OR51B5: variants seen among roughly 807,000 people sequenced by gnomAD.
OR51B5 encodes olfactory receptor 51B5.
For synonymous variants in OR51B5, 186 were observed against 144.8 expected (o/e 1.28, Z -2.04); for missense variants, 456 against 374.6 (o/e 1.22, Z -1.79).
At chr11:5,475,485 C>T (rs1851289323) in intron 1 of OR51B5, among the ~76,000 whole-genome samples, 1 of 152,170 alleles carries the variant, frequency 6.6e-6, no homozygotes, top group Middle Eastern at 3.4e-3. Flanking sequence ...GTTATTTATC[C>T]ACCAACTCTT....
At chr11:5,416,331 G>A (rs1210107910) in intron 1 of OR51B5, among the ~76,000 whole-genome samples, 4 of 151,164 alleles carry the variant, frequency 2.6e-5, no homozygotes, top group South Asian at 2.1e-4. Context: ...TACTGAATGG[G>A]CAAAAACTGG....
At chr11:5,365,827 G>A (rs889276567) in intron 1 of OR51B5, among the ~76,000 whole-genome samples, 2 of 152,196 alleles carry the variant, frequency 1.3e-5, no homozygotes, top group East Asian at 1.9e-4. Context: ...TGCTTAGTAT[G>A]TGCTGGCTTG....
At chr11:5,389,523 CCT>C (rs758655110) in intron 1 of OR51B5, 3 of 1,613,858 alleles carry the variant, frequency 1.9e-6, no homozygotes, top group Admixed American at 1.7e-5. Context: ...ATTTTCATCC[CCT>C]TTTTCTTTAT....
intron 1 of OR51B5, among the ~76,000 whole-genome samples, chr11:5,497,879 T>A (rs539518292): frequency 6.6e-6 from 1 of 152,124 alleles, no homozygotes; most frequent in Non-Finnish European, 1.5e-5. Context: ...TCCAGGAGCA[T>A]AGGTATGACA....
chr11:5,501,278 A>G (rs1288370563), intron 1 of OR51B5, among the ~76,000 whole-genome samples: 1 of 147,748 alleles, frequency 6.8e-6, no homozygotes, highest in East Asian at 2.0e-4. Flanking sequence ...ACTCCCACCA[A>G]AAGAGGAATG....
At chr11:5,470,756 A>G (rs1164334405) in intron 1 of OR51B5, among the ~76,000 whole-genome samples, 3 of 152,120 alleles carry the variant, frequency 2.0e-5, no homozygotes, top group Non-Finnish European at 4.4e-5. Flanking sequence ...AAGTCTATTA[A>G]TCCATCGTAA....
chr11:5,386,098 G>A (rs1015955518), intron 1 of OR51B5, among the ~76,000 whole-genome samples: 2 of 152,122 alleles, frequency 1.3e-5, no homozygotes, highest in East Asian at 1.9e-4. Context: ...GACAGAAGAA[G>A]TGATATTTGT....
chr11:5,353,270 A>ATT (rs1849131899), intron 1 of OR51B5, among the ~76,000 whole-genome samples: 2 of 152,202 alleles, frequency 1.3e-5, no homozygotes, highest in Non-Finnish European at 2.9e-5. Flanking sequence ...TAATATTGAT[A>ATT]ATAATTTGAA....
chr11:5,453,756 C>T (rs754539560), intron 1 of OR51B5: 31 of 1,614,042 alleles, frequency 1.9e-5, no homozygotes, highest in African/African-American at 8.0e-5. Context: ...CCTCAATGCC[C>T]GCAACATCAC....
chr11:5,392,596 C>G (rs1050413641), intron 1 of OR51B5: 2 of 152,196 alleles, frequency 1.3e-5, no homozygotes, highest in African/African-American at 2.4e-5. Flanking sequence ...TGTTACTAAA[C>G]GAATATTGAA....
rs369050089 is a variant in OR51B5 at position 5,390,582 on chromosome 11, A to T, written n.85-43672T>A. 19 of 526,616 alleles carry T rather than the reference A, an allele frequency of 3.6e-5. No individual in the cohort carries two copies. The African/African-American group carries it at 3.6e-4, about 10-fold the overall frequency. The allele number at this position is 526,616 out of a possible 1,614,324, so 32.6% of individuals were successfully genotyped here. ...ATTTTAATGGCTCCTCCTACAGCTG[A>T]GAACTGGCATTTTTGGTAGCATCAA... On this transcript the variant is annotated intron_variant and non_coding_transcript_variant, in intron 1 of 4. Coordinates refer to the OR51B5 transcript ENST00000415970.
At chr11:5,482,078 A>G (rs1192700936) in intron 1 of OR51B5, among the ~76,000 whole-genome samples, 1 of 120,490 alleles carries the variant, frequency 8.3e-6, no homozygotes, top group East Asian at 3.3e-4. Flanking sequence ...ACAAAGCTGG[A>G]GGCATCACAC....
Position 5,413,872 on chromosome 11 carries a change from C to T in OR51B5, n.85-66962G>A, listed in dbSNP as rs192647631. Reference sequence around the variant, plus strand: ...GGAAAACACTCTGCAGGATATTATCCAGGAGAACTTCCCCAATCTAGCAGG... The same window carrying T: ...GGAAAACACTCTGCAGGATATTATCTAGGAGAACTTCCCCAATCTAGCAGG... On this transcript the variant is annotated intron_variant and non_coding_transcript_variant, in intron 1 of 4. Transcript: ENST00000415970. Among the ~76,000 whole-genome samples, 5,813 of 151,084 alleles carry T rather than the reference C, an allele frequency of 0.038. 491 individuals are homozygous for T. The East Asian group carries it at 0.39, about 10-fold the overall frequency.
intron 1 of OR51B5, among the ~76,000 whole-genome samples, chr11:5,379,786 T>C (rs1263982586): frequency 3.3e-5 from 5 of 152,310 alleles, no homozygotes; most frequent in South Asian, 2.1e-4. Flanking sequence ...ATTTCACATA[T>C]GGTGGACAGC....
intron 1 of OR51B5, among the ~76,000 whole-genome samples, chr11:5,381,978 G>C (rs1026232674): frequency 6.6e-6 from 1 of 152,184 alleles, no homozygotes; most frequent in African/African-American, 2.4e-5. Flanking sequence ...TCTGCATCCA[G>C]CTCCATACAC....
chr11:5,366,742 G>A (rs1849375897), intron 1 of OR51B5, among the ~76,000 whole-genome samples: 1 of 147,310 alleles, frequency 6.8e-6, no homozygotes, highest in Non-Finnish European at 1.5e-5. Context: ...AGGAAGGAAG[G>A]AAATCAGGGT....
intron 1 of OR51B5, among the ~76,000 whole-genome samples, chr11:5,459,596 G>A (rs1184235187): frequency 7.5e-6 from 1 of 134,106 alleles, no homozygotes; most frequent in Admixed American, 6.9e-5. Context: ...CTCAAAAGAA[G>A]ATATACAGGT....
chr11:5,346,453 T>C (rs1848991798), upstream of OR51B5: 1 of 151,850 alleles, frequency 6.6e-6, no homozygotes, highest in Non-Finnish European at 1.5e-5. Context: ...AAGAAGATTC[T>C]ATAATGGAAC....
intron 1 of OR51B5, among the ~76,000 whole-genome samples, chr11:5,407,882 G>T (rs971881): frequency 1.3e-5 from 2 of 151,322 alleles, no homozygotes; most frequent in Admixed American, 6.6e-5. Context: ...GATTAATTTT[G>T]TATCCACATT....
Sources: allele counts gnomAD v4.1 joint callset (sites outside exome capture counted in the v4.1 genomes callset), GRCh38; gene constraint gnomAD v4.1.1; transcripts MANE v1.5; gene names NCBI Gene and HGNC (gene_info 2026-07-23, HGNC 2026-07-21).